KLHL28: variants seen among roughly 807,000 people sequenced by gnomAD.
KLHL28 encodes kelch-like protein 28.
KLHL28 carries 22 observed loss-of-function variants against 48.3 expected under a neutral mutation model. The ratio of observed to expected loss-of-function variants is 0.46; its 90% CI spans 0.33 to 0.65. The LOEUF (loss-of-function observed/expected upper bound fraction) is 0.65. Ranked by LOEUF, KLHL28 falls within the 30% of genes least tolerant of loss-of-function variation. The pLI is 0.03. For missense variants in KLHL28, 527 were observed against 704.3 expected, an observed-to-expected ratio of 0.75 and a Z score of 2.85; for synonymous variants, 243 against 242.4, an observed-to-expected ratio of 1.00 and a Z score of -0.02.
chr14:44,930,137 A>G (rs1423154391), intron 4 of KLHL28, among the ~76,000 whole-genome samples: 1 of 152,210 alleles, frequency 6.6e-6, no homozygotes, highest in African/African-American at 2.4e-5. Flanking sequence ...TCTCAAGGAT[A>G]CAAAAGAAAC....
chr14:44,956,963 G>T (rs1293243299), intron 1 of KLHL28, among the ~76,000 whole-genome samples: 3 of 152,074 alleles, frequency 2.0e-5, no homozygotes, highest in Non-Finnish European at 4.4e-5. Context: ...AACTACAGGC[G>T]CATGCTACCA....
At chr14:44,947,751 C>T (rs1884398710) in intron 1 of KLHL28, among the ~76,000 whole-genome samples, 1 of 152,118 alleles carries the variant, frequency 6.6e-6, no homozygotes, top group Non-Finnish European at 1.5e-5. Flanking sequence ...TTGTTTCATA[C>T]TTATTTCACA....
At chr14:44,950,878 A>G (rs1327669919) in intron 1 of KLHL28, among the ~76,000 whole-genome samples, 2 of 152,216 alleles carry the variant, frequency 1.3e-5, no homozygotes, top group African/African-American at 4.8e-5. Flanking sequence ...CATACCAAAA[A>G]AGGAAGGAAG....
intron 1 of KLHL28, among the ~76,000 whole-genome samples, chr14:44,955,092 G>A (rs1407160152): frequency 6.6e-6 from 1 of 151,978 alleles, no homozygotes; most frequent in Non-Finnish European, 1.5e-5. Context: ...GGGTCACTGT[G>A]ATCTAGGATT....
chr14:44,952,089 G>A (rs933696287), intron 1 of KLHL28, among the ~76,000 whole-genome samples: 1 of 151,960 alleles, frequency 6.6e-6, no homozygotes, highest in African/African-American at 2.4e-5. Context: ...TCGAACTCCT[G>A]GACTCAAACG....
chr14:44,933,771 T>C (rs1427925236), intron 3 of KLHL28, among the ~76,000 whole-genome samples: 1 of 152,224 alleles, frequency 6.6e-6, no homozygotes, highest in Non-Finnish European at 1.5e-5. Context: ...TTCTTTATTC[T>C]ATTAAGCAAT....
chr14:44,950,320 T>C, intron 1 of KLHL28, among the ~76,000 whole-genome samples: 1 of 152,170 alleles, frequency 6.6e-6, no homozygotes, highest in East Asian at 1.9e-4. Flanking sequence ...CTGTCTTCTC[T>C]GATACCCTGG....
intron 1 of KLHL28, among the ~76,000 whole-genome samples, chr14:44,947,838 T>G (rs1884401386): frequency 6.6e-6 from 1 of 152,234 alleles, no homozygotes. Context: ...TGCTGATCTC[T>G]GCAAATAATC....
At chr14:44,939,597 A>C (rs10147950) in intron 2 of KLHL28, among the ~76,000 whole-genome samples, 7,382 of 152,248 alleles carry the variant, frequency 0.048, 598 homozygotes, top group African/African-American at 0.17. Flanking sequence ...AAGTCCTAGG[A>C]AACTGATGCA....
chr14:44,932,832 A>T (rs1883645123), intron 3 of KLHL28, among the ~76,000 whole-genome samples: 1 of 152,186 alleles, frequency 6.6e-6, no homozygotes, highest in Non-Finnish European at 1.5e-5. Context: ...TTTTCCTTCA[A>T]CTAAGGGCAA....
At chr14:44,929,936 T>C (rs974256571) in intron 4 of KLHL28, among the ~76,000 whole-genome samples, 1 of 151,902 alleles carries the variant, frequency 6.6e-6, no homozygotes, top group African/African-American at 2.4e-5. Context: ...CATAGGCTAT[T>C]TTTTTTTAAT....
rs1884286968 is a variant in KLHL28 at position 44,945,446 on chromosome 14, G to A, written c.483C>T (p.Cys161=). ...TCTGGCAAACAGCTTCAAAATTCTGGCATATGTATTTAGTGGCTGCCAAAT... is the reference window on the plus strand; with the variant it reads ...TCTGGCAAACAGCTTCAAAATTCTGACATATGTATTTAGTGGCTGCCAAAT... ...DLYLAATKYI[C]QNFEAVCQTE... Residue 161 remains cysteine (C), a synonymous_variant, in exon 2 of 5, where the codon TGC becomes TGT. Coordinates refer to ENST00000396128, the MANE Select transcript of KLHL28 (RefSeq NM_017658.5). The A allele has an allele frequency of 1.2e-6, 2 of 1,614,010 alleles. No individual in the cohort carries two copies. Among genetic ancestry groups the A allele is most frequent in the Non-Finnish European group, 1.7e-6 (2 of 1,180,034 alleles).
Position 44,928,798 on chromosome 14 carries a change from C to G in KLHL28, c.*230G>C. The G allele has an allele frequency of 1.8e-5, 6 of 330,220 alleles. No homozygotes were observed. The highest frequency in any genetic ancestry group is 5.4e-5 in the East Asian group (1 of 18,436). The allele number at this position is 330,220 out of a possible 1,614,324, so 20.5% of individuals were successfully genotyped here. A position where few individuals can be genotyped will look rare whatever the true frequency, so the allele number is the denominator to read the frequency against. ...AAGTGCAGAATTCAATTGGCAAAGT[C>G]TTTACTTTTTTTTTTTCTCTTTTTT... On this transcript the variant is annotated 3_prime_UTR_variant, in exon 5 of 5. Coordinates refer to ENST00000396128, the MANE Select transcript of KLHL28 (RefSeq NM_017658.5).
In KLHL28 at chr14:44,939,354, T is replaced by C. The variant is rs74046548; in HGVS notation, c.900-4796A>G. ...TGTCTTGACTAGCACTTGGCTCCCC[T>C]GTAACCACACTCATCTCTTTAGCAC... On this transcript the variant is annotated intron_variant, in intron 2 of 4. Coordinates refer to ENST00000396128, the MANE Select transcript of KLHL28 (RefSeq NM_017658.5). Among the ~76,000 whole-genome samples, 1,308 of 152,318 alleles carry C rather than the reference T, an allele frequency of 8.6e-3. 20 individuals are homozygous for C. The highest frequency in any genetic ancestry group is 0.029 in the African/African-American group (1,216 of 41,558).
intron 1 of KLHL28, among the ~76,000 whole-genome samples, chr14:44,949,000 A>G (rs1292670497): frequency 6.6e-6 from 1 of 152,146 alleles, no homozygotes; most frequent in Non-Finnish European, 1.5e-5. Flanking sequence ...AACAACAGAA[A>G]AGGAAAATGT....
chr14:44,957,583 A>G (rs946986491), intron 1 of KLHL28, among the ~76,000 whole-genome samples: 4 of 152,200 alleles, frequency 2.6e-5, no homozygotes, highest in African/African-American at 9.6e-5. Context: ...TAATTCTATG[A>G]AAGAGCATCT....
rs1883370927 is a variant in KLHL28, at chr14:44,926,352, C to T, written c.*2676G>A. The T allele has an allele frequency of 6.6e-6, 1 of 152,106 alleles. No homozygotes were observed. The highest frequency in any genetic ancestry group is 2.1e-4 in the South Asian group (1 of 4,826). The allele number at this position is 152,106 out of a possible 1,614,324, so 9.4% of individuals were successfully genotyped here. ...CCCAAGATATTTCACATTTAGTCTT[C>T]ATCAAGATGAAATTTAGATTTTTCA... On this transcript the variant is annotated 3_prime_UTR_variant, in exon 5 of 5. Transcript: ENST00000396128.
chr14:44,929,011 C>T lies in KLHL28; in HGVS notation c.*17G>A. The T allele has an allele frequency of 1.9e-6, 3 of 1,612,500 alleles. No homozygotes were observed. Among genetic ancestry groups the T allele is most frequent in the Non-Finnish European group, 2.5e-6 (3 of 1,178,998 alleles). ...TACAAGTTTCACCACCATACTATTT[C>T]CGAGAGTTCACATTTGTCAAAGTGC... On this transcript the variant is annotated 3_prime_UTR_variant, in exon 5 of 5. Transcript: ENST00000396128.
intron 2 of KLHL28, among the ~76,000 whole-genome samples, chr14:44,944,225 A>T (rs1884226114): frequency 6.6e-6 from 1 of 152,226 alleles, no homozygotes; most frequent in African/African-American, 2.4e-5. Context: ...TTACTAGTAT[A>T]ATGCACCAAA....
Sources: gnomAD v4.1 joint callset for allele counts (sites outside exome capture counted in the v4.1 genomes callset) on GRCh38, gnomAD v4.1.1 for gene constraint, MANE v1.5 for transcripts, NCBI Gene and HGNC (gene_info 2026-07-23, HGNC 2026-07-21) for gene names.